PDE2A: variants seen among roughly 807,000 people sequenced by gnomAD.
PDE2A encodes cGMP-dependent 3',5'-cyclic phosphodiesterase.
PDE2A carries 53 observed loss-of-function variants against 133.6 expected under a neutral mutation model. The ratio of observed to expected loss-of-function variants is 0.40; its 90% CI spans 0.32 to 0.50. PDE2A has a LOEUF of 0.50. Among genes scored for constraint, PDE2A ranks in the 20% least tolerant of loss-of-function variants. PDE2A has a pLI of 0.73. For synonymous variants in PDE2A, 491 were observed against 490.2 expected (o/e 1.00, Z -0.02); for missense variants, 796 against 1,232.4 (o/e 0.65, Z 5.30).
chr11:72,644,920 C>A (rs1193125922), intron 1 of PDE2A, among the ~76,000 whole-genome samples: 1 of 152,250 alleles, frequency 6.6e-6, no homozygotes, highest in Non-Finnish European at 1.5e-5. Flanking sequence ...CCATGCCCAG[C>A]TAATTTTTAT....
chr11:72,613,906 G>A (rs1857338340), intron 2 of PDE2A, among the ~76,000 whole-genome samples: 1 of 152,192 alleles, frequency 6.6e-6, no homozygotes, highest in Admixed American at 6.5e-5. Flanking sequence ...GAGCACAGGA[G>A]AACGTATCGA....
At chr11:72,587,233 C>T (rs1299867725) in intron 13 of PDE2A, among the ~76,000 whole-genome samples, 3 of 152,204 alleles carry the variant, frequency 2.0e-5, no homozygotes, top group African/African-American at 7.2e-5. Context: ...AGAGGAAACA[C>T]TTCGGAGGTC....
intron 2 of PDE2A, among the ~76,000 whole-genome samples, chr11:72,638,006 G>A (rs1858778152): frequency 6.6e-6 from 1 of 152,142 alleles, no homozygotes; most frequent in East Asian, 1.9e-4. Context: ...GGCTGGCAGG[G>A]AGCAGGTCCC....
chr11:72,625,596 G>A (rs1281261969), intron 2 of PDE2A, among the ~76,000 whole-genome samples: 1 of 152,186 alleles, frequency 6.6e-6, no homozygotes, highest in Non-Finnish European at 1.5e-5. Context: ...GCTGGAGGCC[G>A]GAACCTGGAG....
At chr11:72,589,585 A>G (rs191194275) in intron 11 of PDE2A, among the ~76,000 whole-genome samples, 166 bp downstream of exon 11, 1 of 152,342 alleles carries the variant, frequency 6.6e-6, no homozygotes, top group Non-Finnish European at 1.5e-5. Context: ...CCTGCTGATC[A>G]CAGGTTGTGA....
chr11:72,579,441 A>G (rs574638459), intron 26 of PDE2A, 58 bp from the exon 27 acceptor site: 68 of 1,570,934 alleles, frequency 4.3e-5, no homozygotes, highest in Non-Finnish European at 5.5e-5. Context: ...CCATTTGCCC[A>G]TCCCAGTGAG....
chr11:72,653,476 G>A (rs917445459), intron 1 of PDE2A, among the ~76,000 whole-genome samples: 7 of 152,114 alleles, frequency 4.6e-5, no homozygotes, highest in African/African-American at 1.4e-4. Context: ...CTCCACTCCC[G>A]ACTCCCAGGG....
In PDE2A at chr11:72,580,995, GA is replaced by G. The variant is rs767373877; in HGVS notation, c.2046-23del. 152 of 1,535,560 alleles carry G rather than the reference GA, an allele frequency of 9.9e-5. No individual in the cohort carries two copies. The African/African-American group carries it at 1.5e-3, about 15-fold the overall frequency. ...GTCCCTGGTTGAGAGGCAGAAAGGA[GA>G]AAAAAAAGAGGTCAGCCCACAGTTC... is the stretch of plus-strand genomic sequence containing the variant. On this transcript the variant is annotated intron_variant, in intron 23 of 30. Transcript: ENST00000334456.
intron 25 of PDE2A, chr11:72,579,844 G>C (rs748523484): frequency 2.0e-6 from 1 of 512,590 alleles, no homozygotes; most frequent in East Asian, 2.9e-5. Flanking sequence ...TCACATGCAG[G>C]GACCCAACAA....
At chr11:72,605,250 AC>A (rs1856920003) in intron 3 of PDE2A, 24 bp from the exon 4 acceptor site, 2 of 1,531,670 alleles carry the variant, frequency 1.3e-6, no homozygotes, top group Non-Finnish European at 1.8e-6. Context: ...CACTTATGAG[AC>A]CCTGTGGAGA....
intron 27 of PDE2A, 32 bp downstream of exon 27, chr11:72,579,252 C>T (rs780353437): frequency 6.6e-7 from 1 of 1,507,214 alleles, no homozygotes; most frequent in Non-Finnish European, 9.2e-7. Flanking sequence ...TGTTCCTCCC[C>T]AGCCCCAAGG....
At chr11:72,664,302 G>C (rs554871342) in intron 1 of PDE2A, among the ~76,000 whole-genome samples, 1 of 148,038 alleles carries the variant, frequency 6.8e-6, no homozygotes, top group East Asian at 2.0e-4. Flanking sequence ...ACTGTCTTCA[G>C]TTAAACCATT....
At chr11:72,603,155 G>T (rs1019925536) in intron 4 of PDE2A, among the ~76,000 whole-genome samples, 8 of 152,182 alleles carry the variant, frequency 5.3e-5, no homozygotes, top group Non-Finnish European at 1.0e-4. Flanking sequence ...GGTCCTTGCT[G>T]TCCTCACTCT....
At chr11:72,644,636 C>T (rs1486040445) in intron 1 of PDE2A, among the ~76,000 whole-genome samples, 1 of 152,248 alleles carries the variant, frequency 6.6e-6, no homozygotes, top group East Asian at 1.9e-4. Flanking sequence ...TGGTCAACAG[C>T]CGACCCTGGC....
intron 2 of PDE2A, chr11:72,636,117 C>T: frequency 8.2e-7 from 1 of 1,225,686 alleles, no homozygotes; most frequent in Non-Finnish European, 1.1e-6. Flanking sequence ...CCCCCTGAAG[C>T]CACCAGCCAG....
rs563727008 is a variant in PDE2A, at chr11:72,638,118, G to T, written c.144+4136C>A. Reference sequence around the variant, plus strand: ...CAGAGGCCAGCCAGAGAGCAGCATGGTGCTAGGACCAGAGCCCAACCTGGC... The same window carrying T: ...CAGAGGCCAGCCAGAGAGCAGCATGTTGCTAGGACCAGAGCCCAACCTGGC... On this transcript the variant is annotated intron_variant, in intron 2 of 30. Transcript: ENST00000334456. Among the ~76,000 whole-genome samples the T allele has an allele frequency of 6.8e-4, 103 of 151,940 alleles. 1 individual carries two copies. Among genetic ancestry groups the T allele is most frequent in the African/African-American group, 2.4e-3 (100 of 41,216 alleles).
chr11:72,623,800 C>T (rs1591089058), intron 2 of PDE2A, among the ~76,000 whole-genome samples: 1 of 152,250 alleles, frequency 6.6e-6, no homozygotes, highest in South Asian at 2.1e-4. Context: ...TCAAATATCT[C>T]CAAAGTTGCT....
At chr11:72,605,629 C>A (rs1856936947) in intron 3 of PDE2A, among the ~76,000 whole-genome samples, 1 of 152,186 alleles carries the variant, frequency 6.6e-6, no homozygotes, top group African/African-American at 2.4e-5. Flanking sequence ...TGAGCTGTAC[C>A]AGGGATGGGG....
At chr11:72,579,844 G>A (rs748523484) in intron 25 of PDE2A, 32 of 512,590 alleles carry the variant, frequency 6.2e-5, no homozygotes, top group Non-Finnish European at 9.7e-5. Context: ...TCACATGCAG[G>A]GACCCAACAA....
Sources: gnomAD v4.1 joint callset for allele counts (sites outside exome capture counted in the v4.1 genomes callset) on GRCh38, gnomAD v4.1.1 for gene constraint, MANE v1.5 for transcripts, NCBI Gene and HGNC (gene_info 2026-07-23, HGNC 2026-07-21) for gene names.